The following TNPO3 variants were observed in gnomAD, a reference collection of about 807,000 sequenced individuals.
The protein encoded by TNPO3 is transportin 3.
In TNPO3, 65 loss-of-function variants were observed where a neutral mutation model predicts 122.8. The observed-to-expected ratio is 0.53, with a 90% CI of 0.43 to 0.65. The LOEUF (loss-of-function observed/expected upper bound fraction) is 0.65. Ranked by LOEUF, TNPO3 falls within the 30% of genes least tolerant of loss-of-function variation. The probability of loss-of-function intolerance (pLI) is 0.00; values close to 1 mark genes in which losing one functional copy is unlikely to be tolerated. For synonymous variants in TNPO3, 372 were observed against 411.2 expected, an observed-to-expected ratio of 0.90 and a Z score of 1.15; for missense variants, 850 against 1,136.7, an observed-to-expected ratio of 0.75 and a Z score of 3.63.
At chr7:128,988,798 G>A (rs1407561788) in intron 11 of TNPO3, among the ~76,000 whole-genome samples, 1 of 152,174 alleles carries the variant, frequency 6.6e-6, no homozygotes, top group Non-Finnish European at 1.5e-5. Context: ...AGTATGTTGG[G>A]CCAGGCGTGG....
chr7:128,955,333 G>C lies in TNPO3; in HGVS notation c.*84C>G, dbSNP rs1325166245. 1 of 455,948 alleles carries C rather than the reference G, an allele frequency of 2.2e-6. No individual in the cohort carries two copies. Among genetic ancestry groups the C allele is most frequent in the African/African-American group, 2.0e-5 (1 of 49,992 alleles). The allele number at this position is 455,948 out of a possible 1,614,324, so 28.2% of individuals were successfully genotyped here. The stretch of plus-strand genomic sequence containing the variant: ...GCCACAACGGAGGTTTCTGATTGTG[G>C]GACACAGTCTGGTTTTTGTTTTCTT... On this transcript the variant is annotated 3_prime_UTR_variant, in exon 23 of 23. Coordinates refer to ENST00000265388, the MANE Select transcript of TNPO3 (RefSeq NM_012470.4).
chr7:129,046,238 CTTAATT>C (rs907866012), intron 1 of TNPO3, among the ~76,000 whole-genome samples: 5 of 143,670 alleles, frequency 3.5e-5, no homozygotes, highest in Middle Eastern at 3.6e-3. Context: ...TTAACTTTTA[CTTAATT>C]TTAAGTTTAA....
At chr7:129,018,670 T>C (rs558888682) in intron 1 of TNPO3, among the ~76,000 whole-genome samples, 1 of 152,182 alleles carries the variant, frequency 6.6e-6, no homozygotes, top group East Asian at 1.9e-4. Flanking sequence ...CCCGACAAAA[T>C]AGCAGAAAAA....
intron 11 of TNPO3, among the ~76,000 whole-genome samples, chr7:128,988,456 A>G (rs1800400292): frequency 6.6e-6 from 1 of 152,232 alleles, no homozygotes; most frequent in Admixed American, 6.5e-5. Flanking sequence ...TAGCCCAAGC[A>G]ACTCTAATAA....
intron 20 of TNPO3, among the ~76,000 whole-genome samples, chr7:128,968,080 G>A (rs1798097448): frequency 6.6e-6 from 1 of 152,100 alleles, no homozygotes; most frequent in Non-Finnish European, 1.5e-5. Context: ...AAACTCTTGA[G>A]CTTAAAGATC....
At chr7:128,974,508 G>A (rs1360460168) in intron 18 of TNPO3, among the ~76,000 whole-genome samples, 1 of 151,998 alleles carries the variant, frequency 6.6e-6, no homozygotes, top group East Asian at 1.9e-4. Context: ...TCTAAAGGAT[G>A]CTAAGCTTCT....
intron 4 of TNPO3, among the ~76,000 whole-genome samples, chr7:129,005,555 G>C (rs1802478930): frequency 6.6e-6 from 1 of 152,068 alleles, no homozygotes; most frequent in African/African-American, 2.4e-5. Context: ...TCTTGTGATA[G>C]AGTTCTCACG....
At chr7:129,011,500 C>T (rs928551698) in intron 4 of TNPO3, among the ~76,000 whole-genome samples, 1 of 152,058 alleles carries the variant, frequency 6.6e-6, no homozygotes, top group Non-Finnish European at 1.5e-5. Context: ...CATGCCACCA[C>T]GCCCAGCTAA....
chr7:129,053,963 C>T (rs1313018085), intron 1 of TNPO3, among the ~76,000 whole-genome samples: 2 of 152,112 alleles, frequency 1.3e-5, no homozygotes, highest in African/African-American at 4.8e-5. Flanking sequence ...ATGGAATAAT[C>T]AAAGCAGCAG....
At chr7:129,027,458 G>T (rs1453506956) in intron 1 of TNPO3, among the ~76,000 whole-genome samples, 2 of 149,882 alleles carry the variant, frequency 1.3e-5, no homozygotes, top group Non-Finnish European at 3.0e-5. Context: ...CTACTTGGGA[G>T]GCTGAGGCAG....
At chr7:129,017,168 T>A in intron 2 of TNPO3, 112 bp from the exon 3 acceptor site, 1 of 979,606 alleles carries the variant, frequency 1.0e-6, no homozygotes, top group Non-Finnish European at 1.6e-6. Context: ...CAACTAAGAC[T>A]AACCCCCTTC....
intron 1 of TNPO3, among the ~76,000 whole-genome samples, chr7:129,042,625 T>C (rs529588068): frequency 1.6e-4 from 24 of 152,318 alleles, no homozygotes; most frequent in African/African-American, 5.5e-4. Flanking sequence ...GATAAATTGC[T>C]AGATTTGTTA....
At position 129,017,843 on chromosome 7, in the gene TNPO3, T is replaced by C; in HGVS notation, c.321+114A>G. ...CTATCCACTTACAAGAACATAGCAG[T>C]ACATCTGTAATGAAGTTAACATTAC... On this transcript the variant is annotated intron_variant, in intron 2 of 22. Coordinates refer to ENST00000265388, the MANE Select transcript of TNPO3 (RefSeq NM_012470.4). 9 of 1,011,736 alleles carry C rather than the reference T, an allele frequency of 8.9e-6. No homozygotes were observed. The South Asian group carries it at 1.4e-4, about 16-fold the overall frequency. The allele number at this position is 1,011,736 out of a possible 1,614,324, so 62.7% of individuals were successfully genotyped here.
intron 5 of TNPO3, 40 bp from the exon 6 acceptor site, chr7:129,001,274 C>A (rs377587940): frequency 1.3e-6 from 2 of 1,565,996 alleles, no homozygotes; most frequent in South Asian, 2.3e-5. Flanking sequence ...GAAGTATGAT[C>A]ACTAAGGAGT....
chr7:129,046,862 T>C (rs963486343), intron 1 of TNPO3, among the ~76,000 whole-genome samples: 10 of 152,124 alleles, frequency 6.6e-5, no homozygotes, highest in African/African-American at 2.4e-4. Context: ...GTGAGACTTA[T>C]TCACTACCAC....
intron 9 of TNPO3, among the ~76,000 whole-genome samples, chr7:128,992,984 G>T (rs1439446516): frequency 7.5e-6 from 1 of 132,558 alleles, no homozygotes; most frequent in Non-Finnish European, 1.8e-5. Flanking sequence ...AAGATCCAGG[G>T]ATCTCATTTA....
intron 1 of TNPO3, among the ~76,000 whole-genome samples, chr7:129,027,838 C>T (rs1236015517): frequency 6.6e-6 from 1 of 152,028 alleles, no homozygotes; most frequent in Non-Finnish European, 1.5e-5. Flanking sequence ...TCAGAAATAT[C>T]GAAGAGAAGC....
intron 18 of TNPO3, among the ~76,000 whole-genome samples, chr7:128,973,518 C>T (rs992539621): frequency 6.6e-5 from 10 of 151,458 alleles, no homozygotes; most frequent in Admixed American, 3.9e-4. Context: ...GGGTGGATCA[C>T]GAGGTCAGGA....
At chr7:129,022,007 A>G (rs1269747709) in intron 1 of TNPO3, among the ~76,000 whole-genome samples, 3 of 152,212 alleles carry the variant, frequency 2.0e-5, no homozygotes, top group Non-Finnish European at 4.4e-5. Flanking sequence ...ACATAGGCAA[A>G]TATCTAACAT....
Sources: gnomAD v4.1 joint callset for allele counts (sites outside exome capture counted in the v4.1 genomes callset) on GRCh38, gnomAD v4.1.1 for gene constraint, MANE v1.5 for transcripts, NCBI Gene and HGNC (gene_info 2026-07-23, HGNC 2026-07-21) for gene names.